PRR5L: variants seen among roughly 807,000 people sequenced by gnomAD.
The protein encoded by PRR5L is proline-rich protein 5-like.
In PRR5L, 21 loss-of-function variants were observed where a neutral mutation model predicts 36.4. That is an observed-to-expected ratio of 0.58 (90% CI 0.41 to 0.83). PRR5L has a LOEUF of 0.83. Ranked by LOEUF, PRR5L falls within the 40% of genes least tolerant of loss-of-function variation. The pLI is 0.00. For synonymous variants in PRR5L, 188 were observed against 197.0 expected, an observed-to-expected ratio of 0.95 and a Z score of 0.38; for missense variants, 381 against 473.3, an observed-to-expected ratio of 0.80 and a Z score of 1.81.
intron 3 of PRR5L, among the ~76,000 whole-genome samples, chr11:36,405,446 G>T (rs1169159485): frequency 6.6e-6 from 1 of 152,218 alleles, no homozygotes; most frequent in Non-Finnish European, 1.5e-5. Flanking sequence ...TATAACACCA[G>T]CCATTGCATG....
At chr11:36,340,808 A>G (rs767089706) in intron 1 of PRR5L, among the ~76,000 whole-genome samples, 1 of 152,170 alleles carries the variant, frequency 6.6e-6, no homozygotes, top group Non-Finnish European at 1.5e-5. Flanking sequence ...CAAGCAGGGA[A>G]AGACTGTTTT....
intron 1 of PRR5L, among the ~76,000 whole-genome samples, chr11:36,396,768 G>T (rs1857668444): frequency 6.6e-6 from 1 of 152,184 alleles, no homozygotes; most frequent in Admixed American, 6.5e-5. Flanking sequence ...TAGGGAGTGG[G>T]TGTCTAAGGC....
chr11:36,432,222 C>T (rs1008739272), intron 5 of PRR5L, among the ~76,000 whole-genome samples: 17 of 125,580 alleles, frequency 1.4e-4, no homozygotes, highest in African/African-American at 5.6e-4. Flanking sequence ...TGGTGGTCAC[C>T]TTTGAAGGTA....
In PRR5L at chr11:36,463,260, G is replaced by C. The variant is rs1859229966; in HGVS notation, c.*524G>C. 1.3e-5 allele frequency: 2 copies of C among 152,440 alleles called. No homozygotes were observed. The highest frequency in any genetic ancestry group is 4.8e-5 in the African/African-American group (2 of 41,468). 9.4% of individuals were successfully genotyped at this position (152,440 alleles called of 1,614,324 possible). A position where few individuals can be genotyped will look rare whatever the true frequency, so the allele number is the denominator to read the frequency against. On this transcript the variant is annotated 3_prime_UTR_variant, in exon 9 of 9. Transcript: ENST00000530639. ...AATAGCCTGAAGCCCCTACTCAGCA[G>C]GGCTCTGGGAATGTGCCTTCCTTAT...
rs1859217931 is a variant in PRR5L at position 36,462,722 on chromosome 11, G to A, written c.1093G>A (p.Ala365Thr). 1.3e-6 allele frequency: 2 copies of A among 1,554,504 alleles called. No individual in the cohort carries two copies. The highest frequency in any genetic ancestry group is 1.9e-5 in the Admixed American group (1 of 52,974). The change falls in exon 9 of 9, where the codon GCT becomes ACT. Residue 365 changes from alanine (A) to threonine (T), a missense_variant. Coordinates refer to ENST00000530639, the MANE Select transcript of PRR5L (RefSeq NM_001160167.2). The stretch of plus-strand genomic sequence containing the variant: ...CCAGGAGGGCTCGGAGCTGAACTGT[G>A]CTTCCCTCAGCTGAGTCGCCACCCC... ...GSQEGSELNC[A>T]SLS
intron 1 of PRR5L, among the ~76,000 whole-genome samples, chr11:36,361,080 C>A (rs182649305): frequency 2.6e-5 from 4 of 152,330 alleles, no homozygotes; most frequent in African/African-American, 9.6e-5. Context: ...TGTAACTCAT[C>A]TTAGTTGCTT....
chr11:36,360,882 A>C (rs770737534), intron 1 of PRR5L, among the ~76,000 whole-genome samples: 2 of 152,108 alleles, frequency 1.3e-5, no homozygotes, highest in Non-Finnish European at 2.9e-5. Flanking sequence ...TTCAAGAAGC[A>C]AGTATAACTC....
intron 1 of PRR5L, among the ~76,000 whole-genome samples, chr11:36,308,666 A>T (rs1370915324): frequency 6.6e-6 from 1 of 152,224 alleles, no homozygotes; most frequent in Non-Finnish European, 1.5e-5. Context: ...TGTTCAGTAA[A>T]TCTTCACTCA....
intron 2 of PRR5L, among the ~76,000 whole-genome samples, chr11:36,401,810 G>C (rs1290938607): frequency 6.6e-6 from 1 of 152,178 alleles, no homozygotes; most frequent in Non-Finnish European, 1.5e-5. Flanking sequence ...AGACCACTGA[G>C]GGCCTCTGGC....
At chr11:36,458,992 C>T (rs1859122062) in intron 8 of PRR5L, among the ~76,000 whole-genome samples, 1 of 152,176 alleles carries the variant, frequency 6.6e-6, no homozygotes, top group Non-Finnish European at 1.5e-5. Flanking sequence ...GACTGGGAAG[C>T]TGGGAAGAGG....
intron 1 of PRR5L, among the ~76,000 whole-genome samples, chr11:36,355,095 C>T (rs1365744175): frequency 6.6e-6 from 1 of 152,108 alleles, no homozygotes; most frequent in East Asian, 1.9e-4. Flanking sequence ...GGTCATGGAG[C>T]CCATACCTCT....
chr11:36,311,340 C>T (rs1490092886), intron 1 of PRR5L, among the ~76,000 whole-genome samples: 1 of 152,174 alleles, frequency 6.6e-6, no homozygotes, highest in Non-Finnish European at 1.5e-5. Flanking sequence ...GCAAGCATTT[C>T]TGGCTTGGAT....
chr11:36,319,455 T>C (rs1383863117), intron 1 of PRR5L, among the ~76,000 whole-genome samples: 1 of 152,242 alleles, frequency 6.6e-6, no homozygotes, highest in East Asian at 1.9e-4. Context: ...TGGCAAACTT[T>C]GCCCGTAAAG....
At chr11:36,303,425 CA>C (rs1856397889) in intron 1 of PRR5L, among the ~76,000 whole-genome samples, 1 of 152,190 alleles carries the variant, frequency 6.6e-6, no homozygotes, top group Admixed American at 6.5e-5. Flanking sequence ...AAGACATTAT[CA>C]GAACCATAAC....
chr11:36,378,812 T>C (rs1318064576), intron 1 of PRR5L, among the ~76,000 whole-genome samples: 9 of 152,212 alleles, frequency 5.9e-5, no homozygotes, highest in Admixed American at 3.9e-4. Context: ...ATGATATAGG[T>C]ACTATTATAT....
rs183899890 is a variant in PRR5L at position 36,315,428 on chromosome 11, T to G, written c.-126+18990T>G. ...ATCCTGATGTTATTTTGCTGAAGGC[T>G]TTAGTCAAGACAGAAGTTATTTAAG... On this transcript the variant is annotated intron_variant, in intron 1 of 8. Coordinates refer to ENST00000530639, the MANE Select transcript of PRR5L (RefSeq NM_001160167.2). Among the ~76,000 whole-genome samples, 10 of 152,372 alleles carry G rather than the reference T, an allele frequency of 6.6e-5. 1 individual carries two copies. Among genetic ancestry groups the G allele is most frequent in the African/African-American group, 2.4e-4 (10 of 41,590 alleles).
In PRR5L at chr11:36,416,454, T is replaced by C. The variant is rs140883984; in HGVS notation, c.246-2801T>C. ...TGGCTATGGCCCATTACATTTAAAG[T>C]ATATAAAGCAGATTACCACATCGTG... On this transcript the variant is annotated intron_variant, in intron 3 of 8. Transcript: ENST00000530639. Among the ~76,000 whole-genome samples, 97 of 152,320 alleles carry C rather than the reference T, an allele frequency of 6.4e-4. 1 individual carries two copies. The highest frequency in any genetic ancestry group is 3.4e-3 in the Middle Eastern group (1 of 294).
rs765626772 is a variant in PRR5L, at chr11:36,312,036, TC to T, written c.-126+15599del. 2.0e-5 allele frequency among the ~76,000 whole-genome samples: 3 copies of T among 152,188 alleles called. No homozygotes were observed. The East Asian group carries it at 5.8e-4, about 29-fold the overall frequency. ...GAGAGGAGATAACATATTTGCAGTG[TC>T]TTTTATATGCATGAAATTTGGAAAG... On this transcript the variant is annotated intron_variant, in intron 1 of 8. Coordinates refer to ENST00000530639, the MANE Select transcript of PRR5L (RefSeq NM_001160167.2).
At chr11:36,350,375 AAGTGAAGAATAAGAGGG>A (rs1370049699) in intron 1 of PRR5L, among the ~76,000 whole-genome samples, 4 of 151,296 alleles carry the variant, frequency 2.6e-5, no homozygotes, top group Non-Finnish European at 4.4e-5. Flanking sequence ...AGTGGTGGAG[AAGTGAAGAATAAGAGGG>A]AGTGAAGAAT....
Sources: gnomAD v4.1 joint callset for allele counts (sites outside exome capture counted in the v4.1 genomes callset) on GRCh38, gnomAD v4.1.1 for gene constraint, MANE v1.5 for transcripts, NCBI Gene and HGNC (gene_info 2026-07-23, HGNC 2026-07-21) for gene names.